CSMD1: variants seen among roughly 807,000 people sequenced by gnomAD.
CSMD1 encodes the protein CUB and sushi domain-containing protein 1.
Under a neutral mutation model 417.5 loss-of-function variants are expected in CSMD1, and 213 were observed. The ratio of observed to expected loss-of-function variants is 0.51; its 90% CI spans 0.46 to 0.57. CSMD1 has a LOEUF of 0.57. Ranked by LOEUF, CSMD1 falls within the 20% of genes least tolerant of loss-of-function variation. The pLI, the probability that CSMD1 is intolerant of heterozygous loss-of-function variation, is 0.00. For synonymous variants in CSMD1, 2,862 were observed against 1,736.8 expected (o/e 1.65, Z -16.11); for missense variants, 6,923 against 4,529.7 (o/e 1.53, Z -15.17).
chr8:4,671,555 C>G (rs924704213), intron 1 of CSMD1, among the ~76,000 whole-genome samples: 3 of 152,200 alleles, frequency 2.0e-5, no homozygotes, highest in Non-Finnish European at 1.5e-5. Context: ...TTTTTCCTCT[C>G]CACGTGAATT....
intron 25 of CSMD1, among the ~76,000 whole-genome samples, chr8:3,296,142 T>G (rs77422263): frequency 0.074 from 11,283 of 152,036 alleles, 646 homozygotes; most frequent in African/African-American, 0.15. Flanking sequence ...ACTGGGATAC[T>G]AATTCTTAGG....
intron 64 of CSMD1, among the ~76,000 whole-genome samples, chr8:2,955,090 G>C (rs1489566933): frequency 6.6e-6 from 1 of 152,138 alleles, no homozygotes; most frequent in Non-Finnish European, 1.5e-5. Flanking sequence ...CATGTGAATT[G>C]CTTTTGTAAT....
chr8:3,836,033 G>T (rs36021145), intron 5 of CSMD1, among the ~76,000 whole-genome samples: 55,398 of 151,728 alleles, frequency 0.37, 10,828 homozygotes, highest in African/African-American at 0.5. Context: ...TGTTTCATTA[G>T]CTTTTTCTAA....
At chr8:4,442,036 A>G (rs552739427) in intron 2 of CSMD1, among the ~76,000 whole-genome samples, 1 of 152,292 alleles carries the variant, frequency 6.6e-6, no homozygotes, top group African/African-American at 2.4e-5. Context: ...CTTTTTTCTA[A>G]GAGGTCTGGA....
intron 26 of CSMD1, among the ~76,000 whole-genome samples, chr8:3,237,468 C>T (rs532265266): frequency 2.3e-4 from 35 of 149,330 alleles, no homozygotes; most frequent in African/African-American, 8.3e-4. Flanking sequence ...AAACAAAAAA[C>T]CAAAAAACCA....
At chr8:3,966,702 C>T (rs1052557270) in intron 5 of CSMD1, among the ~76,000 whole-genome samples, 1 of 151,444 alleles carries the variant, frequency 6.6e-6, no homozygotes, top group African/African-American at 2.4e-5. Context: ...GTATGCCATG[C>T]CTGGCAGGCT....
At chr8:3,872,736 T>A (rs1343761526) in intron 5 of CSMD1, among the ~76,000 whole-genome samples, 4 of 151,582 alleles carry the variant, frequency 2.6e-5, no homozygotes, top group Non-Finnish European at 5.9e-5. Flanking sequence ...AGTGAACAGA[T>A]AACCTTCAAA....
At chr8:4,373,661 G>C (rs549682548) in intron 3 of CSMD1, among the ~76,000 whole-genome samples, 3 of 152,174 alleles carry the variant, frequency 2.0e-5, no homozygotes, top group African/African-American at 7.2e-5. Context: ...AGTTATGATA[G>C]TTTAATGAAA....
intron 20 of CSMD1, among the ~76,000 whole-genome samples, chr8:3,360,241 A>G (rs1428725250): frequency 6.6e-6 from 1 of 152,230 alleles, no homozygotes; most frequent in Non-Finnish European, 1.5e-5. Flanking sequence ...GAAGTGCTAA[A>G]TATAAATTAA....
At chr8:3,635,922 GCTGA>G (rs1370412502) in intron 7 of CSMD1, among the ~76,000 whole-genome samples, 1 of 151,216 alleles carries the variant, frequency 6.6e-6, no homozygotes, top group Non-Finnish European at 1.5e-5. Context: ...CTTCCTGTAA[GCTGA>G]CTTAGTTTAC....
chr8:3,090,394 T>C (rs1814861428), intron 48 of CSMD1, among the ~76,000 whole-genome samples: 1 of 148,088 alleles, frequency 6.8e-6, no homozygotes, highest in Admixed American at 6.7e-5. Context: ...GCAAATCCCA[T>C]CATTGCATCG....
intron 2 of CSMD1, among the ~76,000 whole-genome samples, chr8:4,523,739 A>G (rs1803618103): frequency 6.6e-6 from 1 of 152,194 alleles, no homozygotes; most frequent in Non-Finnish European, 1.5e-5. Context: ...TTCTTGTAGG[A>G]AATAAATAAA....
intron 29 of CSMD1, among the ~76,000 whole-genome samples, chr8:3,217,378 C>T (rs1016835681): frequency 2.0e-5 from 3 of 152,228 alleles, no homozygotes; most frequent in African/African-American, 7.2e-5. Context: ...TTCATGCAAC[C>T]TGTAAGGCCC....
intron 3 of CSMD1, among the ~76,000 whole-genome samples, chr8:4,042,322 C>G (rs967086299): frequency 2.0e-5 from 3 of 151,894 alleles, no homozygotes; most frequent in African/African-American, 7.3e-5. Flanking sequence ...TGTAGAGAGA[C>G]AAAGATAAAG....
chr8:4,631,302 C>T (rs1802498387), intron 2 of CSMD1, among the ~76,000 whole-genome samples: 1 of 151,960 alleles, frequency 6.6e-6, no homozygotes, highest in African/African-American at 2.4e-5. Flanking sequence ...GCAGAGGTTG[C>T]AGTGAGCTGA....
chr8:3,744,358 A>T (rs1265514306), intron 6 of CSMD1, among the ~76,000 whole-genome samples: 1 of 152,172 alleles, frequency 6.6e-6, no homozygotes, highest in African/African-American at 2.4e-5. Flanking sequence ...CTGATTACTA[A>T]ACAGGGCACA....
At chr8:3,346,615 G>C (rs180842796) in intron 22 of CSMD1, among the ~76,000 whole-genome samples, 1 of 152,306 alleles carries the variant, frequency 6.6e-6, no homozygotes, top group East Asian at 1.9e-4. Context: ...TTAGGAGGAA[G>C]TAAGGCCCTT....
intron 10 of CSMD1, among the ~76,000 whole-genome samples, chr8:3,517,740 G>C (rs1217994208): frequency 6.6e-6 from 1 of 152,156 alleles, no homozygotes; most frequent in African/African-American, 2.4e-5. Flanking sequence ...AGGGCTGAGA[G>C]ATTAATTAAA....
At chr8:4,160,864 G>C (rs1246561175) in intron 3 of CSMD1, among the ~76,000 whole-genome samples, 1 of 152,204 alleles carries the variant, frequency 6.6e-6, no homozygotes, top group Non-Finnish European at 1.5e-5. Context: ...TCCTTAAGGA[G>C]AAATTCTAAA....
Sources: gnomAD v4.1 joint callset for allele counts (sites outside exome capture counted in the v4.1 genomes callset) on GRCh38, gnomAD v4.1.1 for gene constraint, MANE v1.5 for transcripts, NCBI Gene and HGNC (gene_info 2026-07-23, HGNC 2026-07-21) for gene names.